NEK10: variants seen among roughly 807,000 people sequenced by gnomAD.
The protein encoded by NEK10 is NIMA related kinase 10.
In NEK10, 122 loss-of-function variants were observed where a neutral mutation model predicts 159.8. The observed-to-expected ratio is 0.76, with a 90% confidence interval of 0.66 to 0.89. The LOEUF is 0.89. NEK10 is among the 40% of genes least tolerant of loss of function. NEK10 has a pLI of 0.00. For synonymous variants in NEK10, 466 were observed against 457.1 expected, an observed-to-expected ratio of 1.02 and a Z score of -0.25; for missense variants, 1,342 against 1,323.1, an observed-to-expected ratio of 1.01 and a Z score of -0.22.
Position 27,106,837 on chromosome 3 carries a change from C to G in NEK10, c.*4435G>C, listed in dbSNP as rs1311521849. Reference sequence around the variant, plus strand: ...TGACAGTCAGCCATAATCCTCCATACATAAAGACAAAATTCTATCTTTGTT... The same window carrying G: ...TGACAGTCAGCCATAATCCTCCATAGATAAAGACAAAATTCTATCTTTGTT... On this transcript the variant is annotated 3_prime_UTR_variant, in exon 36 of 36. Transcript: ENST00000691995. Among the ~76,000 whole-genome samples the G allele has an allele frequency of 1.3e-5, 2 of 152,170 alleles. No individual in the cohort carries two copies. Among genetic ancestry groups the G allele is most frequent in the Non-Finnish European group, 2.9e-5 (2 of 68,026 alleles).
At chr3:27,175,209 C>T (rs914049708) in intron 26 of NEK10, among the ~76,000 whole-genome samples, 1 of 152,112 alleles carries the variant, frequency 6.6e-6, no homozygotes, top group Non-Finnish European at 1.5e-5. Flanking sequence ...AGTACCACAG[C>T]AAATAAGTAA....
intron 22 of NEK10, among the ~76,000 whole-genome samples, chr3:27,276,510 A>T (rs2041785708): frequency 6.6e-6 from 1 of 152,176 alleles, no homozygotes; most frequent in Non-Finnish European, 1.5e-5. Flanking sequence ...CAAGGAGGAG[A>T]TTACGAAGAA....
chr3:27,172,951 T>C (rs111888129), intron 28 of NEK10, among the ~76,000 whole-genome samples: 5 of 152,198 alleles, frequency 3.3e-5, no homozygotes, highest in South Asian at 2.1e-4. Context: ...TCTGCTGCCA[T>C]TGTAGCATGA....
intron 23 of NEK10, among the ~76,000 whole-genome samples, chr3:27,242,747 A>T (rs1433250886): frequency 1.3e-5 from 2 of 152,234 alleles, no homozygotes; most frequent in Non-Finnish European, 1.5e-5. Context: ...GGTGAGGAGG[A>T]GCTGAACAGA....
chr3:27,346,303 CTG>C, intron 3 of NEK10, 87 bp from the exon 4 acceptor site: 2 of 1,418,256 alleles, frequency 1.4e-6, no homozygotes, highest in Non-Finnish European at 2.0e-6. Flanking sequence ...GATGAAGAGA[CTG>C]AGATTTTTTC....
intron 15 of NEK10, 80 bp from the exon 16 acceptor site, chr3:27,293,732 TA>T: frequency 1.3e-6 from 1 of 774,050 alleles, no homozygotes. Context: ...TAACAGGAAG[TA>T]AACATTAACG....
chr3:27,367,469 G>A (rs2049180156), intron 1 of NEK10: 1 of 152,138 alleles, frequency 6.6e-6, no homozygotes, highest in Non-Finnish European at 1.5e-5. Context: ...ATTACTAAGG[G>A]TCTTGAAATT....
intron 23 of NEK10, among the ~76,000 whole-genome samples, chr3:27,251,452 G>A (rs1955655475): frequency 6.6e-6 from 1 of 151,766 alleles, no homozygotes; most frequent in African/African-American, 2.4e-5. Context: ...GTTCTCATGA[G>A]TTCTGGTTGT....
At chr3:27,218,885 A>G (rs953111832) in intron 23 of NEK10, among the ~76,000 whole-genome samples, 9 of 152,212 alleles carry the variant, frequency 5.9e-5, no homozygotes, top group Non-Finnish European at 1.2e-4. Context: ...ATTCTCAGGT[A>G]ACATTGTGCT....
intron 13 of NEK10, among the ~76,000 whole-genome samples, chr3:27,299,717 C>A (rs772239151): frequency 6.6e-6 from 1 of 152,252 alleles, no homozygotes; most frequent in Non-Finnish European, 1.5e-5. Flanking sequence ...TGGGAACCCA[C>A]TTATAGCATC....
chr3:27,163,789 G>A (rs1039205075), intron 29 of NEK10, among the ~76,000 whole-genome samples: 1 of 152,190 alleles, frequency 6.6e-6, no homozygotes, highest in African/African-American at 2.4e-5. Context: ...GCACATGATA[G>A]GTTATTTGTT....
At position 27,282,542 on chromosome 3, in the gene NEK10, A is replaced by ATATATATATATATATACACATAACTGTGT. The variant is rs1559422216; in HGVS notation, c.2014+2059_2014+2060insACACAGTTATGTGTATATATATATATATA. Among the ~76,000 whole-genome samples the ATATATATATATATATACACATAACTGTGT allele has an allele frequency of 2.0e-4, 19 of 96,022 alleles. 3 individuals are homozygous for ATATATATATATATATACACATAACTGTGT. The highest frequency in any genetic ancestry group is 6.8e-4 in the East Asian group (3 of 4,426). 63.0% of individuals were successfully genotyped at this position (96,022 alleles called of 152,430 possible). A position where few individuals can be genotyped will look rare whatever the true frequency, so the allele number is the denominator to read the frequency against. On this transcript the variant is annotated intron_variant, in intron 22 of 35. Transcript: ENST00000691995. ...TTGTATATATACATAAATGTGTTAT[A>ATATATATATATATATACACATAACTGTGT]TATATATATATATATATACATAACT... is the stretch of plus-strand genomic sequence containing the variant.
chr3:27,124,540 A>T (rs1941715639), intron 32 of NEK10, among the ~76,000 whole-genome samples: 1 of 152,222 alleles, frequency 6.6e-6, no homozygotes, highest in Non-Finnish European at 1.5e-5. Flanking sequence ...AATTTACACA[A>T]GAAACAGCTA....
At chr3:27,263,465 C>G (rs1010277356) in intron 22 of NEK10, among the ~76,000 whole-genome samples, 3 of 152,148 alleles carry the variant, frequency 2.0e-5, no homozygotes, top group African/African-American at 4.8e-5. Flanking sequence ...TGGGCTCCAC[C>G]CAGTTTGAGC....
chr3:27,345,636 C>A (rs1360438559), intron 4 of NEK10, among the ~76,000 whole-genome samples: 1 of 152,152 alleles, frequency 6.6e-6, no homozygotes, highest in African/African-American at 2.4e-5. Context: ...ATGAACATTA[C>A]CTGACACTTT....
chr3:27,251,160 GA>G (rs1955621173), intron 23 of NEK10, among the ~76,000 whole-genome samples: 1 of 152,150 alleles, frequency 6.6e-6, no homozygotes, highest in African/African-American at 2.4e-5. Flanking sequence ...CTGAGGCACA[GA>G]AAAATTCAAT....
intron 32 of NEK10, 119 bp downstream of exon 32, chr3:27,131,761 A>C (rs1942646651): frequency 1.1e-5 from 5 of 458,068 alleles, no homozygotes. Context: ...TATGTAAAGC[A>C]GCAATAAGAA....
chr3:27,211,806 T>C (rs1394654171), intron 23 of NEK10, among the ~76,000 whole-genome samples: 5 of 152,106 alleles, frequency 3.3e-5, no homozygotes, highest in African/African-American at 1.2e-4. Context: ...ACAACTAATA[T>C]ACTAATTAAT....
At chr3:27,157,592 G>A (rs1475841299) in intron 30 of NEK10, among the ~76,000 whole-genome samples, 3 of 152,152 alleles carry the variant, frequency 2.0e-5, no homozygotes, top group Admixed American at 6.5e-5. Flanking sequence ...TCTACTCCTG[G>A]TAAAGATGCT....
Sources: allele counts gnomAD v4.1 joint callset (sites outside exome capture counted in the v4.1 genomes callset), GRCh38; gene constraint gnomAD v4.1.1; transcripts MANE v1.5; gene names NCBI Gene and HGNC (gene_info 2026-07-23, HGNC 2026-07-21).